The following HPSE2 variants were observed in gnomAD, a reference collection of about 807,000 sequenced individuals.
HPSE2 encodes inactive heparanase-2.
In HPSE2, 38 loss-of-function variants were observed where a neutral mutation model predicts 60.5. The ratio of observed to expected loss-of-function variants is 0.63; its 90% CI spans 0.48 to 0.82. HPSE2 has a LOEUF of 0.82. HPSE2 is among the 40% of genes least tolerant of loss of function. The pLI is 0.00. For missense variants in HPSE2, 713 were observed against 740.4 expected, an observed-to-expected ratio of 0.96 and a Z score of 0.43; for synonymous variants, 295 against 293.2, an observed-to-expected ratio of 1.01 and a Z score of -0.06.
chr10:99,238,513 C>G (rs1849904214), upstream of HPSE2, among the ~76,000 whole-genome samples: 1 of 152,134 alleles, frequency 6.6e-6, no homozygotes. Context: ...TTTCTCTAGT[C>G]TAGCCATTGA....
chr10:99,259,856 T>C, the HPSE2 span, among the ~76,000 whole-genome samples: 5 of 152,280 alleles, frequency 3.3e-5, no homozygotes, highest in Middle Eastern at 3.4e-3. Flanking sequence ...TAAACCCTAT[T>C]GTGAACTGTG....
intron 6 of HPSE2, among the ~76,000 whole-genome samples, chr10:98,658,277 C>A (rs1947130628): frequency 6.6e-6 from 1 of 152,180 alleles, no homozygotes; most frequent in South Asian, 2.1e-4. Context: ...ATGGCTATAT[C>A]AAAGCAATTT....
At chr10:98,671,028 T>A (rs921327105) in intron 6 of HPSE2, among the ~76,000 whole-genome samples, 1 of 152,228 alleles carries the variant, frequency 6.6e-6, no homozygotes, top group African/African-American at 2.4e-5. Context: ...CGTGTTGGTG[T>A]TAAAAAAATT....
At chr10:98,900,227 C>T (rs1191719011) in intron 3 of HPSE2, among the ~76,000 whole-genome samples, 1 of 152,042 alleles carries the variant, frequency 6.6e-6, no homozygotes, top group Non-Finnish European at 1.5e-5. Context: ...GTGGTATAGC[C>T]ATACAATGGA....
At chr10:99,136,522 C>T (rs1439973465) in intron 3 of HPSE2, among the ~76,000 whole-genome samples, 1 of 152,198 alleles carries the variant, frequency 6.6e-6, no homozygotes, top group African/African-American at 2.4e-5. Context: ...TCCAGCAGCA[C>T]ATCCAAAAGC....
At chr10:98,769,001 C>T (rs1206848252) in intron 3 of HPSE2, among the ~76,000 whole-genome samples, 1 of 152,060 alleles carries the variant, frequency 6.6e-6, no homozygotes, top group Non-Finnish European at 1.5e-5. Flanking sequence ...GAAGGGAGAT[C>T]GCGCCACTGC....
chr10:98,745,491 T>C (rs920986630), intron 3 of HPSE2, among the ~76,000 whole-genome samples: 2 of 152,200 alleles, frequency 1.3e-5, no homozygotes, highest in African/African-American at 4.8e-5. Flanking sequence ...TCTTCCTTAA[T>C]TCAAGGCTTC....
intron 3 of HPSE2, among the ~76,000 whole-genome samples, chr10:99,049,084 G>A (rs1466796168): frequency 2.0e-5 from 3 of 152,116 alleles, no homozygotes; most frequent in African/African-American, 4.8e-5. Flanking sequence ...ACTAGAGGAG[G>A]GAAGAACGGA....
At chr10:99,020,839 C>T (rs1174013182) in intron 3 of HPSE2, among the ~76,000 whole-genome samples, 1 of 152,124 alleles carries the variant, frequency 6.6e-6, no homozygotes, top group Admixed American at 6.6e-5. Flanking sequence ...AAATCACCAC[C>T]AGCTTTTTCA....
intron 9 of HPSE2, among the ~76,000 whole-genome samples, chr10:98,547,661 G>A (rs191139939): frequency 8.6e-6 from 1 of 116,892 alleles, no homozygotes; most frequent in Non-Finnish European, 1.7e-5. Context: ...GTTGTGGGGT[G>A]GGGGGAGGGG....
At chr10:98,538,298 G>A (rs1943352703) in intron 9 of HPSE2, among the ~76,000 whole-genome samples, 1 of 152,178 alleles carries the variant, frequency 6.6e-6, no homozygotes, top group South Asian at 2.1e-4. Context: ...CCTTGGGCTG[G>A]ACCCTACATG....
At chr10:98,566,128 C>T (rs629789) in intron 9 of HPSE2, among the ~76,000 whole-genome samples, 129,338 of 152,196 alleles carry the variant, frequency 0.85, 56,224 homozygotes, top group East Asian at 1. Context: ...GTGTGAAATA[C>T]ACATTCTCTT....
intron 7 of HPSE2, among the ~76,000 whole-genome samples, chr10:98,625,209 C>T (rs12246853): frequency 0.026 from 3,961 of 152,268 alleles, 179 homozygotes; most frequent in African/African-American, 0.091. Context: ...GCGACTAAAA[C>T]CTGATCAAAG....
chr10:98,655,600 T>G (rs903548522), intron 6 of HPSE2, among the ~76,000 whole-genome samples: 1 of 152,178 alleles, frequency 6.6e-6, no homozygotes, highest in South Asian at 2.1e-4. Flanking sequence ...TGTATGAAAT[T>G]TCAGCTTTTT....
At chr10:99,279,666 TA>T in the HPSE2 span, among the ~76,000 whole-genome samples, 3 of 152,252 alleles carry the variant, frequency 2.0e-5, no homozygotes, top group Admixed American at 2.0e-4. Flanking sequence ...AAGCATTTAA[TA>T]ATCTCCAGCT....
chr10:99,059,978 T>A (rs1382671108), intron 3 of HPSE2, among the ~76,000 whole-genome samples: 1 of 151,484 alleles, frequency 6.6e-6, no homozygotes, highest in African/African-American at 2.4e-5. Flanking sequence ...ATAATAAAAA[T>A]AAAAACCTAC....
intron 3 of HPSE2, among the ~76,000 whole-genome samples, chr10:98,877,354 T>C (rs1952905222): frequency 6.6e-6 from 1 of 151,900 alleles, no homozygotes; most frequent in Admixed American, 6.6e-5. Context: ...ATAATCTTAC[T>C]TGGAAGCAAG....
chr10:99,305,971 G>A, the HPSE2 span, among the ~76,000 whole-genome samples: 2,556 of 41,710 alleles, frequency 0.061, 60 homozygotes, highest in East Asian at 0.23. Context: ...ACGCGCGCGC[G>A]CGCGCGCGCA....
intron 3 of HPSE2, among the ~76,000 whole-genome samples, chr10:98,936,105 G>A (rs1954781983): frequency 6.9e-6 from 1 of 144,436 alleles, no homozygotes; most frequent in Non-Finnish European, 1.5e-5. Context: ...CCCTCTCAGG[G>A]GAAAACTGCC....
Sources: allele counts gnomAD v4.1 joint callset (sites outside exome capture counted in the v4.1 genomes callset), GRCh38; gene constraint gnomAD v4.1.1; transcripts MANE v1.5; gene names NCBI Gene and HGNC (gene_info 2026-07-23, HGNC 2026-07-21).